RCOR1: variants seen among roughly 807,000 people sequenced by gnomAD.
The protein encoded by RCOR1 is REST corepressor 1, also known as REST corepressor.
RCOR1 carries 12 observed loss-of-function variants against 64.0 expected under a neutral mutation model. That is an observed-to-expected ratio of 0.19 (90% confidence interval 0.12 to 0.30). The LOEUF (loss-of-function observed/expected upper bound fraction) is 0.30, where lower values mean the gene tolerates loss of function less well. RCOR1 is among the 10% of genes least tolerant of loss of function. The pLI is 1.00. For missense variants in RCOR1, 502 were observed against 621.2 expected (o/e 0.81, Z 2.04); for synonymous variants, 279 against 227.2 (o/e 1.23, Z -2.05).
chr14:102,646,284 C>T (rs577147848), intron 2 of RCOR1, among the ~76,000 whole-genome samples: 31 of 152,256 alleles, frequency 2.0e-4, no homozygotes, highest in South Asian at 4.1e-4. Context: ...TTTAGTACTT[C>T]CTTCTTAACT....
At chr14:102,684,239 C>CTAAG (rs751198422) in intron 3 of RCOR1, among the ~76,000 whole-genome samples, 126 of 152,172 alleles carry the variant, frequency 8.3e-4, no homozygotes, top group Non-Finnish European at 1.3e-3. Context: ...GACAGATGAA[C>CTAAG]TAAGCAAGGG....
Position 102,726,513 on chromosome 14 carries a change from G to A in RCOR1, c.*7G>A. Reference sequence around the variant, plus strand: ...ATATGCATCTGCCTCCTGAGAAACTGGTGGCTTTGAACACTTGGTGTGGAC... The same window carrying A: ...ATATGCATCTGCCTCCTGAGAAACTAGTGGCTTTGAACACTTGGTGTGGAC... On this transcript the variant is annotated 3_prime_UTR_variant, in exon 12 of 12. Coordinates refer to ENST00000262241, the MANE Select transcript of RCOR1 (RefSeq NM_015156.4). 1 of 1,604,798 alleles carries A rather than the reference G, an allele frequency of 6.2e-7. No homozygotes were observed.
chr14:102,669,723 A>G (rs1894993057), intron 2 of RCOR1, among the ~76,000 whole-genome samples: 1 of 152,250 alleles, frequency 6.6e-6, no homozygotes, highest in African/African-American at 2.4e-5. Flanking sequence ...CAAAGTACAC[A>G]GTGCCTAGCA....
chr14:102,689,910 A>AT (rs903703521), intron 3 of RCOR1, among the ~76,000 whole-genome samples: 4 of 151,914 alleles, frequency 2.6e-5, no homozygotes, highest in Admixed American at 6.6e-5. Flanking sequence ...TGCCCAGCTA[A>AT]TTTTTTGTAT....
intron 2 of RCOR1, among the ~76,000 whole-genome samples, chr14:102,656,652 A>T (rs1247871987): frequency 1.3e-5 from 2 of 151,800 alleles, no homozygotes; most frequent in Non-Finnish European, 2.9e-5. Flanking sequence ...TATTTTTAGT[A>T]GAGATGGGGT....
intron 2 of RCOR1, among the ~76,000 whole-genome samples, chr14:102,640,622 C>T (rs1026709144): frequency 1.2e-4 from 18 of 152,102 alleles, no homozygotes; most frequent in African/African-American, 3.9e-4. Flanking sequence ...TAATTGAGGT[C>T]ACATAGCTCT....
chr14:102,595,546 A>G (rs1052491253), intron 2 of RCOR1, among the ~76,000 whole-genome samples: 3 of 151,772 alleles, frequency 2.0e-5, no homozygotes, highest in Non-Finnish European at 2.9e-5. Flanking sequence ...CTTGCTGCCA[A>G]TTGGTTGAGT....
chr14:102,649,808 A>G, intron 2 of RCOR1: 1 of 983,002 alleles, frequency 1.0e-6, no homozygotes, highest in Non-Finnish European at 1.2e-6. Context: ...AATCTGGTTG[A>G]CGAAATTGGC....
chr14:102,637,192 T>C (rs1427085509), intron 2 of RCOR1, among the ~76,000 whole-genome samples: 1 of 150,230 alleles, frequency 6.7e-6, no homozygotes, highest in Admixed American at 6.6e-5. Flanking sequence ...AGTGGCACAA[T>C]CTCGGCTCAC....
chr14:102,652,077 T>A (rs975704026), intron 2 of RCOR1, among the ~76,000 whole-genome samples: 3 of 152,258 alleles, frequency 2.0e-5, no homozygotes, highest in Non-Finnish European at 4.4e-5. Context: ...ATGAGCCTTG[T>A]AACTGGATTT....
At chr14:102,707,967 CTT>C (rs35272192) in intron 5 of RCOR1, among the ~76,000 whole-genome samples, 66 of 127,216 alleles carry the variant, frequency 5.2e-4, no homozygotes, top group Middle Eastern at 3.8e-3. Context: ...TTTTTTGTAT[CTT>C]TTTTTTTTTT....
intron 5 of RCOR1, 130 bp downstream of exon 5, chr14:102,707,642 C>G: frequency 1.3e-6 from 1 of 773,770 alleles, no homozygotes; most frequent in Admixed American, 2.7e-5. Flanking sequence ...CCTTTAGATT[C>G]AGCTTAGTAC....
chr14:102,599,803 G>GTTT (rs758594132), intron 2 of RCOR1, among the ~76,000 whole-genome samples: 2 of 93,782 alleles, frequency 2.1e-5, no homozygotes, highest in South Asian at 4.1e-4. Flanking sequence ...GTTTTGTTTT[G>GTTT]TTTTGTTTTT....
intron 2 of RCOR1, among the ~76,000 whole-genome samples, chr14:102,617,790 A>G (rs1316501425): frequency 4.0e-5 from 6 of 151,546 alleles, no homozygotes; most frequent in Non-Finnish European, 7.4e-5. Context: ...GGGTTTCACC[A>G]TATTGGCCAG....
In RCOR1 at chr14:102,657,427, CTTAAG is replaced by C. The variant is rs573778311; in HGVS notation, c.362-24462_362-24458del. The stretch of plus-strand genomic sequence containing the variant: ...AACTTTTCTGATGATGTTTTTGTTG[CTTAAG>C]TTAAGACTAATATAACACAGAAGTC... On this transcript the variant is annotated intron_variant, in intron 2 of 11. Coordinates refer to ENST00000262241, the MANE Select transcript of RCOR1 (RefSeq NM_015156.4). 96 of 985,106 alleles carry C rather than the reference CTTAAG, an allele frequency of 9.7e-5. 1 individual carries two copies. The East Asian group carries it at 1.7e-3, about 17-fold the overall frequency. 61.0% of individuals were successfully genotyped at this position (985,106 alleles called of 1,614,324 possible).
At chr14:102,719,334 G>A (rs1434711476) in intron 8 of RCOR1, among the ~76,000 whole-genome samples, 1 of 152,132 alleles carries the variant, frequency 6.6e-6, no homozygotes, top group Non-Finnish European at 1.5e-5. Context: ...CATGTGCCAT[G>A]TTGGTGTGCT....
chr14:102,605,857 T>C (rs1229537432), intron 2 of RCOR1, among the ~76,000 whole-genome samples: 2 of 152,072 alleles, frequency 1.3e-5, no homozygotes, highest in Non-Finnish European at 2.9e-5. Context: ...AAGGAAGGTA[T>C]GGAGTTGGAA....
At chr14:102,593,769 C>T (rs1301156631) in intron 2 of RCOR1, among the ~76,000 whole-genome samples, 1 of 152,206 alleles carries the variant, frequency 6.6e-6, no homozygotes, top group Non-Finnish European at 1.5e-5. Flanking sequence ...CTCCCCACGC[C>T]TTTGCTCCTC....
intron 2 of RCOR1, among the ~76,000 whole-genome samples, chr14:102,605,513 A>G (rs1246670176): frequency 6.6e-6 from 1 of 152,168 alleles, no homozygotes; most frequent in East Asian, 1.9e-4. Flanking sequence ...CACCTTGTCT[A>G]TAGTGCAACA....
Sources: gnomAD v4.1 joint callset for allele counts (sites outside exome capture counted in the v4.1 genomes callset) on GRCh38, gnomAD v4.1.1 for gene constraint, MANE v1.5 for transcripts, NCBI Gene and HGNC (gene_info 2026-07-23, HGNC 2026-07-21) for gene names.